The following PBX1 variants were observed in gnomAD, a reference collection of about 807,000 sequenced individuals.
PBX1 encodes pre-B-cell leukemia transcription factor 1.
PBX1 carries 6 observed loss-of-function variants against 53.4 expected under a neutral mutation model. That is an observed-to-expected ratio of 0.11 (90% CI 0.06 to 0.22). PBX1 has a LOEUF of 0.22. PBX1 is among the 10% of genes least tolerant of loss of function. The pLI is 1.00. For synonymous variants in PBX1, 204 were observed against 212.3 expected (o/e 0.96, Z 0.34); for missense variants, 251 against 551.4 (o/e 0.46, Z 5.46).
intron 2 of PBX1, among the ~76,000 whole-genome samples, chr1:164,589,931 A>G (rs573524798): frequency 6.6e-6 from 1 of 152,328 alleles, no homozygotes; most frequent in East Asian, 1.9e-4. Context: ...AAGAAAGGCC[A>G]GGTGCGGTGG....
chr1:164,633,254 A>G (rs563478723), intron 2 of PBX1, among the ~76,000 whole-genome samples: 11 of 151,958 alleles, frequency 7.2e-5, no homozygotes, highest in African/African-American at 2.4e-4. Flanking sequence ...GGTTCAAGCA[A>G]TTCTCCTGCC....
chr1:164,594,463 A>G (rs766810131), intron 2 of PBX1, among the ~76,000 whole-genome samples: 2 of 152,046 alleles, frequency 1.3e-5, no homozygotes, highest in Admixed American at 1.3e-4. Flanking sequence ...TTGTATTTTT[A>G]GTGGAGACGG....
chr1:164,589,226 G>C (rs1571281484), intron 2 of PBX1, among the ~76,000 whole-genome samples: 1 of 152,048 alleles, frequency 6.6e-6, no homozygotes, highest in African/African-American at 2.4e-5. Flanking sequence ...AAGGAGGAGG[G>C]GGGCGCGGCT....
intron 2 of PBX1, among the ~76,000 whole-genome samples, chr1:164,624,789 T>C (rs1657928850): frequency 6.6e-6 from 1 of 152,224 alleles, no homozygotes; most frequent in Non-Finnish European, 1.5e-5. Flanking sequence ...AACTCTCTTA[T>C]AGTGGTACTT....
At chr1:164,611,174 T>C (rs1005964630) in intron 2 of PBX1, among the ~76,000 whole-genome samples, 1 of 152,206 alleles carries the variant, frequency 6.6e-6, no homozygotes, top group Non-Finnish European at 1.5e-5. Context: ...GAGTGGGATG[T>C]TCACTTAACC....
intron 2 of PBX1, among the ~76,000 whole-genome samples, chr1:164,723,257 T>C (rs548796210): frequency 5.9e-5 from 9 of 152,260 alleles, no homozygotes; most frequent in Middle Eastern, 6.8e-3. Flanking sequence ...TACTGCTTCT[T>C]AAACCAAGAA....
Position 164,739,252 on chromosome 1 carries a change from C to T in PBX1, c.266-53242C>T, listed in dbSNP as rs1665465957. Among the ~76,000 whole-genome samples, 4 of 152,224 alleles carry T rather than the reference C, an allele frequency of 2.6e-5. No individual in the cohort carries two copies. The South Asian group carries it at 8.3e-4, about 32-fold the overall frequency. On this transcript the variant is annotated intron_variant, in intron 2 of 8. Transcript: ENST00000420696. Reference sequence around the variant, plus strand: ...GCGATCCAGTATATGTGTTTCTGTTCATTTGCCTAAAATGGGCTCCACATT... The same window carrying T: ...GCGATCCAGTATATGTGTTTCTGTTTATTTGCCTAAAATGGGCTCCACATT...
chr1:164,578,177 A>G lies in PBX1; in HGVS notation c.265+14866A>G, dbSNP rs1654386297. The stretch of plus-strand genomic sequence containing the variant: ...TATGCAAAGATTGTTTGTGTTGTCA[A>G]GATCCCACTGGAGTATATCTTCTTA... On this transcript the variant is annotated intron_variant, in intron 2 of 8. Coordinates refer to ENST00000420696, the MANE Select transcript of PBX1 (RefSeq NM_002585.4). Among the ~76,000 whole-genome samples, 3 of 152,174 alleles carry G rather than the reference A, an allele frequency of 2.0e-5. No homozygotes were observed. The South Asian group carries it at 6.2e-4, about 32-fold the overall frequency.
intron 2 of PBX1, among the ~76,000 whole-genome samples, chr1:164,608,734 G>T (rs1656715485): frequency 6.6e-6 from 1 of 152,178 alleles, no homozygotes; most frequent in South Asian, 2.1e-4. Flanking sequence ...ATGTGGCTGA[G>T]CTGTTTGGGC....
chr1:164,872,236 C>T (rs1254562575), intron 2 of PBX1, among the ~76,000 whole-genome samples: 5 of 152,224 alleles, frequency 3.3e-5, no homozygotes, highest in African/African-American at 4.8e-5. Context: ...TTGGCCCCGA[C>T]CATTCCAGTG....
At chr1:164,787,422 T>TC (rs149448695) in intron 2 of PBX1, among the ~76,000 whole-genome samples, 1,668 of 152,086 alleles carry the variant, frequency 0.011, 30 homozygotes, top group African/African-American at 0.039. Context: ...GCAGAGGCAT[T>TC]CCCCCAGCAT....
intron 2 of PBX1, among the ~76,000 whole-genome samples, chr1:164,605,858 CTCTTTG>C (rs1260082278): frequency 6.6e-6 from 1 of 152,102 alleles, no homozygotes; most frequent in African/African-American, 2.4e-5. Context: ...CTGATGGTGC[CTCTTTG>C]TGGAAACAGT....
intron 2 of PBX1, chr1:164,684,468 T>A (rs2102005413): frequency 6.6e-6 from 1 of 152,320 alleles, no homozygotes; most frequent in South Asian, 2.1e-4. Context: ...AAAAATGCTT[T>A]AAAAATTTTA....
chr1:164,865,925 C>T (rs1672205675), intron 2 of PBX1, among the ~76,000 whole-genome samples: 1 of 152,124 alleles, frequency 6.6e-6, no homozygotes, highest in African/African-American at 2.4e-5. Context: ...ATTTCTCAGA[C>T]ATTTCAAAGA....
chr1:164,844,115 C>CTTT (rs773961576), intron 8 of PBX1, among the ~76,000 whole-genome samples: 18 of 61,096 alleles, frequency 2.9e-4, no homozygotes, highest in South Asian at 9.1e-4. Context: ...TTCTTTCTTT[C>CTTT]TTTTTTTTTT....
Position 164,849,277 on chromosome 1 carries a change from T to C in PBX1, c.*2601T>C, listed in dbSNP as rs534916356. 4 of 1,532,502 alleles carry C rather than the reference T, an allele frequency of 2.6e-6. No individual in the cohort carries two copies. The highest frequency in any genetic ancestry group is 3.9e-5 in the Admixed American group (2 of 50,892). 94.9% of individuals were successfully genotyped at this position (1,532,502 alleles called of 1,614,324 possible). On this transcript the variant is annotated 3_prime_UTR_variant, in exon 9 of 9. Transcript: ENST00000420696. ...TTTCTCTCCGGGCCGTAGTTTTCAC[T>C]GATGATCACCTTTCACAGCATTTTC...
At chr1:164,792,195 A>G (rs1483366203) in intron 2 of PBX1, among the ~76,000 whole-genome samples, 1 of 152,136 alleles carries the variant, frequency 6.6e-6, no homozygotes, top group Non-Finnish European at 1.5e-5. Context: ...CTCATTAAAC[A>G]ATAGCTCCCC....
At chr1:164,843,938 A>G (rs765848011) in intron 8 of PBX1, among the ~76,000 whole-genome samples, 10 of 152,012 alleles carry the variant, frequency 6.6e-5, no homozygotes, top group Non-Finnish European at 1.2e-4. Flanking sequence ...TGTTATCTTA[A>G]TGGAATTATG....
At chr1:164,617,924 A>G (rs1571076739) in intron 2 of PBX1, among the ~76,000 whole-genome samples, 1 of 152,146 alleles carries the variant, frequency 6.6e-6, no homozygotes, top group South Asian at 2.1e-4. Context: ...TATATTTTAA[A>G]CCAGGATTCT....
Sources: gnomAD v4.1 joint callset for allele counts (sites outside exome capture counted in the v4.1 genomes callset) on GRCh38, gnomAD v4.1.1 for gene constraint, MANE v1.5 for transcripts, NCBI Gene and HGNC (gene_info 2026-07-23, HGNC 2026-07-21) for gene names.